MSTO1: variants seen among roughly 807,000 people sequenced by gnomAD.
MSTO1 encodes misato mitochondrial distribution and morphology regulator 1.
A neutral mutation model predicts 55.7 loss-of-function variants in MSTO1; 24 were observed. The ratio of observed to expected loss-of-function variants is 0.43; its 90% CI spans 0.31 to 0.61. The LOEUF is 0.61. Among genes scored for constraint, MSTO1 ranks in the 20% least tolerant of loss-of-function variants. The pLI is 0.09. For synonymous variants in MSTO1, 162 were observed against 252.8 expected (o/e 0.64, Z 3.41); for missense variants, 363 against 625.7 (o/e 0.58, Z 4.48).
the MSTO1 span, among the ~76,000 whole-genome samples, chr1:155,571,021 C>T: frequency 1.3e-5 from 2 of 152,152 alleles, no homozygotes; most frequent in Admixed American, 6.6e-5. Flanking sequence ...AGCAAAAACA[C>T]CTATAGCTAC....
the MSTO1 span, among the ~76,000 whole-genome samples, chr1:155,594,367 C>A: frequency 3.9e-5 from 6 of 152,162 alleles, no homozygotes; most frequent in South Asian, 1.2e-3. Flanking sequence ...TGCCACTGTA[C>A]TCCAGCCTGG....
At chr1:155,591,532 C>T in the MSTO1 span, among the ~76,000 whole-genome samples, 3 of 152,122 alleles carry the variant, frequency 2.0e-5, no homozygotes, top group Non-Finnish European at 2.9e-5. Context: ...TGGCTTACAC[C>T]TGTAATCCCA....
At chr1:155,594,966 G>A in the MSTO1 span, among the ~76,000 whole-genome samples, 5 of 152,000 alleles carry the variant, frequency 3.3e-5, no homozygotes, top group East Asian at 3.9e-4. Flanking sequence ...GCGAAACCCC[G>A]TCCCTACTAA....
upstream of MSTO1, among the ~76,000 whole-genome samples, chr1:155,609,243 A>ATATATTTTTTTTT (rs59756178): frequency 8.2e-4 from 45 of 54,570 alleles, 1 homozygote; most frequent in South Asian, 1.1e-3. Context: ...ATATATATAT[A>ATATATTTTTTTTT]TTTTTTTTTT....
chr1:155,584,670 CAAA>C, the MSTO1 span, among the ~76,000 whole-genome samples: 19 of 72,872 alleles, frequency 2.6e-4, 1 homozygote, highest in Admixed American at 3.1e-3. Context: ...GAGCTTGTCT[CAAA>C]AAAAAAAAAA....
upstream of MSTO1, chr1:155,610,140 G>A (rs1043840153): frequency 3.6e-5 from 37 of 1,030,002 alleles, no homozygotes; most frequent in Admixed American, 5.0e-4. Flanking sequence ...TGTGTTTGCG[G>A]GCCAATAAGT....
chr1:155,612,723 C>A lies in MSTO1; in HGVS notation c.967-121C>A, dbSNP rs1276170427. The A allele has an allele frequency of 3.5e-6, 5 of 1,429,762 alleles. No homozygotes were observed. The Admixed American group carries it at 5.9e-5, about 17-fold the overall frequency. 88.6% of individuals were successfully genotyped at this position (1,429,762 alleles called of 1,614,324 possible). A position where few individuals can be genotyped will look rare whatever the true frequency, so the allele number is the denominator to read the frequency against. On this transcript the variant is annotated intron_variant, in intron 9 of 13. Coordinates refer to ENST00000245564, the MANE Select transcript of MSTO1 (RefSeq NM_018116.4). ...TCAGATCACACTGTCCTATGCTTGTCCAGCCTGGGGTCAAACATACCCCTG... is the reference window on the plus strand; with the variant it reads ...TCAGATCACACTGTCCTATGCTTGTACAGCCTGGGGTCAAACATACCCCTG...
At chr1:155,572,862 C>G in the MSTO1 span, among the ~76,000 whole-genome samples, 1 of 152,008 alleles carries the variant, frequency 6.6e-6, no homozygotes, top group Admixed American at 6.6e-5. Context: ...GTTGGTCAGG[C>G]TGGTCTCGAA....
the MSTO1 span, among the ~76,000 whole-genome samples, chr1:155,598,502 A>T: frequency 6.6e-6 from 1 of 152,144 alleles, no homozygotes; most frequent in Non-Finnish European, 1.5e-5. Flanking sequence ...CAGGCAAACC[A>T]CTTTTGGCCA....
chr1:155,595,369 G>A, the MSTO1 span, among the ~76,000 whole-genome samples: 9 of 152,078 alleles, frequency 5.9e-5, no homozygotes, highest in Non-Finnish European at 8.8e-5. Flanking sequence ...TAGTGGAGAC[G>A]GAGTTTCACT....
At chr1:155,595,184 T>G in the MSTO1 span, among the ~76,000 whole-genome samples, 2 of 148,368 alleles carry the variant, frequency 1.3e-5, no homozygotes, top group Non-Finnish European at 3.0e-5. Flanking sequence ...TTGTTTTTTT[T>G]TTTTTTTTTT....
the MSTO1 span, among the ~76,000 whole-genome samples, chr1:155,595,615 G>A: frequency 6.6e-6 from 1 of 151,616 alleles, no homozygotes; most frequent in African/African-American, 2.4e-5. Context: ...AGCCTCCCAA[G>A]TAGCTGGGAT....
the MSTO1 span, among the ~76,000 whole-genome samples, chr1:155,570,673 C>T: frequency 1.3e-5 from 2 of 151,986 alleles, no homozygotes; most frequent in South Asian, 2.1e-4. Context: ...TATATTGTTC[C>T]GTTTTCTTAT....
At chr1:155,599,024 C>A in the MSTO1 span, 4 of 615,458 alleles carry the variant, frequency 6.5e-6, no homozygotes, top group Non-Finnish European at 1.1e-5. Flanking sequence ...AAAGGAAAAG[C>A]CTTTGCCAGT....
At chr1:155,574,261 A>G in the MSTO1 span, among the ~76,000 whole-genome samples, 3 of 152,120 alleles carry the variant, frequency 2.0e-5, no homozygotes, top group East Asian at 5.8e-4. Flanking sequence ...GAGAGGCTGA[A>G]GTCCAAGGAT....
At chr1:155,604,712 CA>C in the MSTO1 span, among the ~76,000 whole-genome samples, 1 of 151,708 alleles carries the variant, frequency 6.6e-6, no homozygotes, top group Non-Finnish European at 1.5e-5. Flanking sequence ...CTCATCTCTA[CA>C]AAAAATGCAA....
chr1:155,589,126 C>T, the MSTO1 span, among the ~76,000 whole-genome samples: 131 of 152,046 alleles, frequency 8.6e-4, no homozygotes, highest in Non-Finnish European at 1.3e-3. Context: ...AGTGAAACCC[C>T]GTCTCTACTA....
chr1:155,567,880 C>CA, the MSTO1 span, among the ~76,000 whole-genome samples: 17 of 150,824 alleles, frequency 1.1e-4, no homozygotes, highest in African/African-American at 4.1e-4. Flanking sequence ...ACTAAAAATA[C>CA]AAAAAAATCA....
chr1:155,563,993 T>C, the MSTO1 span: 2 of 172,570 alleles, frequency 1.2e-5, no homozygotes, highest in Non-Finnish European at 2.6e-5. Context: ...TCAAAACACT[T>C]GACTGATATT....
Sources: allele counts gnomAD v4.1 joint callset (sites outside exome capture counted in the v4.1 genomes callset), GRCh38; gene constraint gnomAD v4.1.1; transcripts MANE v1.5; gene names NCBI Gene and HGNC (gene_info 2026-07-23, HGNC 2026-07-21).